Variants in PRKCE observed in about 807,000 individuals in gnomAD.
PRKCE encodes protein kinase C epsilon type.
PRKCE carries 16 observed loss-of-function variants against 85.4 expected under a neutral mutation model. That is an observed-to-expected ratio of 0.19 (90% CI 0.13 to 0.28). The LOEUF is 0.28. PRKCE is among the 10% of genes least tolerant of loss of function. The pLI is 1.00. For synonymous variants in PRKCE, 388 were observed against 371.5 expected, an observed-to-expected ratio of 1.04 and a Z score of -0.51; for missense variants, 573 against 975.2, an observed-to-expected ratio of 0.59 and a Z score of 5.49.
At chr2:45,933,568 G>T (rs1435248469) in intron 2 of PRKCE, among the ~76,000 whole-genome samples, 2 of 139,918 alleles carry the variant, frequency 1.4e-5, no homozygotes, top group Non-Finnish European at 3.0e-5. Context: ...CCACCTCCCG[G>T]GTTCACGCCA....
intron 12 of PRKCE, among the ~76,000 whole-genome samples, chr2:46,150,301 G>A (rs1359540062): frequency 6.6e-6 from 1 of 152,186 alleles, no homozygotes; most frequent in East Asian, 1.9e-4. Flanking sequence ...GACAATCAAG[G>A]AGATGGTTCG....
At chr2:46,082,729 G>C (rs1353542721) in intron 10 of PRKCE, among the ~76,000 whole-genome samples, 1 of 152,190 alleles carries the variant, frequency 6.6e-6, no homozygotes, top group Non-Finnish European at 1.5e-5. Context: ...AGAAATTTAG[G>C]GGGGAAGCCT....
At chr2:45,817,680 C>T (rs1053081055) in intron 1 of PRKCE, among the ~76,000 whole-genome samples, 17 of 152,054 alleles carry the variant, frequency 1.1e-4, no homozygotes, top group Non-Finnish European at 1.8e-4. Flanking sequence ...GGCAACAGAG[C>T]GAGACTCTGT....
intron 2 of PRKCE, among the ~76,000 whole-genome samples, chr2:45,933,734 C>T (rs540674377): frequency 1.3e-5 from 2 of 152,226 alleles, no homozygotes; most frequent in Admixed American, 1.3e-4. Context: ...CCTCGGCCTC[C>T]CAAGGTGCTG....
intron 2 of PRKCE, among the ~76,000 whole-genome samples, chr2:45,966,961 C>T (rs1022936994): frequency 7.9e-5 from 12 of 152,172 alleles, no homozygotes; most frequent in African/African-American, 2.4e-4. Flanking sequence ...TATTGGATTA[C>T]TAAAGCCACA....
intron 1 of PRKCE, among the ~76,000 whole-genome samples, chr2:45,654,850 C>A (rs1033732091): frequency 6.6e-6 from 1 of 152,094 alleles, no homozygotes. Context: ...GAAATGGAGA[C>A]AAGTTGCAGC....
intron 10 of PRKCE, among the ~76,000 whole-genome samples, chr2:46,074,712 G>A (rs1218304637): frequency 1.3e-5 from 2 of 152,178 alleles, no homozygotes; most frequent in South Asian, 4.1e-4. Flanking sequence ...TCTGTGTGAG[G>A]CCCAGCTCCA....
At chr2:46,150,466 A>G (rs553221510) in intron 12 of PRKCE, among the ~76,000 whole-genome samples, 1 of 152,198 alleles carries the variant, frequency 6.6e-6, no homozygotes, top group South Asian at 2.1e-4. Flanking sequence ...TAGAATATGC[A>G]AGAGTATAGT....
intron 1 of PRKCE, among the ~76,000 whole-genome samples, chr2:45,683,807 C>T (rs1473092970): frequency 6.6e-6 from 1 of 152,200 alleles, no homozygotes; most frequent in Non-Finnish European, 1.5e-5. Context: ...CACTGGAATC[C>T]AGTGTCTGCC....
At chr2:46,156,220 G>C in intron 13 of PRKCE, among the ~76,000 whole-genome samples, 1 of 152,010 alleles carries the variant, frequency 6.6e-6, no homozygotes. Context: ...CATCTGCTGG[G>C]CTCTGGCCAT....
chr2:45,987,488 C>G (rs1041300346), intron 6 of PRKCE, among the ~76,000 whole-genome samples: 1 of 152,186 alleles, frequency 6.6e-6, no homozygotes, highest in African/African-American at 2.4e-5. Flanking sequence ...CTTCCTCTCT[C>G]TTTAATTAAG....
At chr2:45,713,568 C>A (rs934870231) in intron 1 of PRKCE, among the ~76,000 whole-genome samples, 2 of 152,156 alleles carry the variant, frequency 1.3e-5, no homozygotes, top group African/African-American at 4.8e-5. Context: ...TTTAAAAAAT[C>A]ATTCTTCATT....
At chr2:45,799,121 G>T (rs1331241009) in intron 1 of PRKCE, among the ~76,000 whole-genome samples, 1 of 151,140 alleles carries the variant, frequency 6.6e-6, no homozygotes, top group South Asian at 2.1e-4. Context: ...ACCTGAGATC[G>T]TGCCACGGCA....
chr2:45,974,999 T>C (rs2104521500), intron 2 of PRKCE, among the ~76,000 whole-genome samples: 1 of 152,154 alleles, frequency 6.6e-6, no homozygotes, highest in East Asian at 1.9e-4. Context: ...GCTTGGGGAC[T>C]TTCTGTAAGG....
rs1407969104 is a variant in PRKCE, at chr2:45,907,057, G to T, written c.412+63994G>T. Among the ~76,000 whole-genome samples, 1 of 150,244 alleles carries T rather than the reference G, an allele frequency of 6.7e-6. No individual in the cohort carries two copies. The highest frequency in any genetic ancestry group is 2.4e-5 in the African/African-American group (1 of 41,356). On this transcript the variant is annotated intron_variant, in intron 2 of 14. Transcript: ENST00000306156. This position sits in a 1 kb window ranked among gnomAD's most constrained non-coding sequence, Gnocchi z 4.5. ...GGCCCCAGTTGCTCCAAAATTAGGC[G>T]TCGGAGGTCTAAGTGGTATAGACGG...
intron 11 of PRKCE, among the ~76,000 whole-genome samples, chr2:46,099,600 T>C (rs1671021243): frequency 1.3e-5 from 2 of 152,158 alleles, no homozygotes; most frequent in Non-Finnish European, 2.9e-5. Context: ...TAGTTATTTC[T>C]TCCCCCTGTT....
At chr2:45,978,727 T>A in intron 3 of PRKCE, 1 of 452,984 alleles carries the variant, frequency 2.2e-6, no homozygotes. Flanking sequence ...GGAATGGCTC[T>A]CTGTATAGGA....
At chr2:45,879,764 G>C (rs1573722749) in intron 2 of PRKCE, among the ~76,000 whole-genome samples, 1 of 152,190 alleles carries the variant, frequency 6.6e-6, no homozygotes, top group African/African-American at 2.4e-5. Context: ...GAAATTTCCT[G>C]TTTCAATTAC....
chr2:45,976,857 CTGTGTGTGTGTGTGTGTGTG>C lies in PRKCE; in HGVS notation c.572+299_572+318del, dbSNP rs56287103. 4.0e-3 allele frequency among the ~76,000 whole-genome samples: 546 copies of C among 135,054 alleles called. 2 individuals are homozygous for C. The highest frequency in any genetic ancestry group is 0.012 in the African/African-American group (430 of 35,804). 88.6% of individuals were successfully genotyped at this position (135,054 alleles called of 152,430 possible). ...TTAGTAACCAACAAGGATATTGTGA[CTGTGTGTGTGTGTGTGTGTG>C]TGTGTGTGTGTGTGTGTGTGTGTGT... On this transcript the variant is annotated intron_variant, in intron 3 of 14. Coordinates refer to ENST00000306156, the MANE Select transcript of PRKCE (RefSeq NM_005400.3).
Sources: allele counts gnomAD v4.1 joint callset (sites outside exome capture counted in the v4.1 genomes callset), GRCh38; gene constraint gnomAD v4.1.1; non-coding constraint Gnocchi (gnomAD v3.1); transcripts MANE v1.5; gene names NCBI Gene and HGNC (gene_info 2026-07-23, HGNC 2026-07-21).